The following ARNT2 variants were observed in gnomAD, a reference collection of about 807,000 sequenced individuals.
The protein encoded by ARNT2 is aryl hydrocarbon receptor nuclear translocator 2.
Under a neutral mutation model 91.7 loss-of-function variants are expected in ARNT2, and 36 were observed. The observed-to-expected ratio is 0.39, with a 90% CI of 0.30 to 0.52. The LOEUF is 0.52. Among genes scored for constraint, ARNT2 ranks in the 20% least tolerant of loss-of-function variants. The pLI, the probability that ARNT2 is intolerant of heterozygous loss-of-function variation, is 0.72. For missense variants in ARNT2, 775 were observed against 939.3 expected (o/e 0.83, Z 2.29); for synonymous variants, 365 against 347.1 (o/e 1.05, Z -0.57).
chr15:80,543,604 A>G (rs1455770064), intron 8 of ARNT2, among the ~76,000 whole-genome samples: 5 of 152,152 alleles, frequency 3.3e-5, no homozygotes, highest in Non-Finnish European at 4.4e-5. Context: ...GAAGTTTTCC[A>G]ATGAGATCAC....
chr15:80,589,186 A>G (rs2141487320), intron 17 of ARNT2, among the ~76,000 whole-genome samples: 1 of 152,324 alleles, frequency 6.6e-6, no homozygotes, highest in East Asian at 1.9e-4. Context: ...AATCAAGTTC[A>G]GTCCTAGAAG....
intron 8 of ARNT2, among the ~76,000 whole-genome samples, chr15:80,545,899 A>G (rs1487447923): frequency 2.0e-5 from 3 of 152,178 alleles, no homozygotes; most frequent in African/African-American, 4.8e-5. Context: ...CCCCGGAAGG[A>G]TACAGGGAGG....
intron 1 of ARNT2, among the ~76,000 whole-genome samples, chr15:80,408,378 A>G (rs774016322): frequency 8.5e-5 from 13 of 152,218 alleles, no homozygotes; most frequent in Admixed American, 3.3e-4. Context: ...TCATATCATC[A>G]TGGGGAGCCA....
In ARNT2 at chr15:80,466,260, G is replaced by A. The variant is rs111319423; in HGVS notation, c.195-3958G>A. The stretch of plus-strand genomic sequence containing the variant: ...TTAGGAGGTCCCCATCAGGAACAGA[G>A]TTGGAAAAGAAACACAAGTCAGTGT... On this transcript the variant is annotated intron_variant, in intron 3 of 18. Coordinates refer to ENST00000303329, the MANE Select transcript of ARNT2 (RefSeq NM_014862.4). Among the ~76,000 whole-genome samples the A allele has an allele frequency of 1.5e-4, 23 of 152,364 alleles. 4 individuals carry two copies. Among genetic ancestry groups the A allele is most frequent in the African/African-American group, 1.7e-4 (7 of 41,592 alleles).
intron 8 of ARNT2, among the ~76,000 whole-genome samples, chr15:80,532,579 G>A (rs1897756804): frequency 1.3e-5 from 2 of 152,186 alleles, no homozygotes; most frequent in South Asian, 4.1e-4. Context: ...ATGTGCTTGG[G>A]CCACAGGTCA....
chr15:80,494,905 C>A (rs928537569), intron 5 of ARNT2, among the ~76,000 whole-genome samples: 14 of 152,138 alleles, frequency 9.2e-5, no homozygotes, highest in Non-Finnish European at 1.9e-4. Flanking sequence ...CTTGTGCCAT[C>A]CTGCTGCCTG....
intron 1 of ARNT2, among the ~76,000 whole-genome samples, chr15:80,449,105 G>C (rs1896349607): frequency 6.6e-6 from 1 of 152,198 alleles, no homozygotes; most frequent in Non-Finnish European, 1.5e-5. Flanking sequence ...TGATATACTG[G>C]GATAACCGAA....
At chr15:80,546,227 C>T (rs1036233003) in intron 8 of ARNT2, among the ~76,000 whole-genome samples, 3 of 152,190 alleles carry the variant, frequency 2.0e-5, no homozygotes, top group African/African-American at 7.2e-5. Context: ...CTTCTCTCAG[C>T]TTTCACTCCA....
At chr15:80,427,376 C>G (rs775988948) in intron 1 of ARNT2, among the ~76,000 whole-genome samples, 5 of 152,082 alleles carry the variant, frequency 3.3e-5, no homozygotes, top group Non-Finnish European at 7.4e-5. Flanking sequence ...TTGGACTGTC[C>G]TGCTCTATTT....
intron 11 of ARNT2, among the ~76,000 whole-genome samples, chr15:80,562,541 TATAA>T (rs1004688029): frequency 2.0e-5 from 3 of 152,182 alleles, no homozygotes; most frequent in Admixed American, 1.3e-4. Flanking sequence ...CATAGAAACT[TATAA>T]ATAAATAAAT....
intron 12 of ARNT2, among the ~76,000 whole-genome samples, chr15:80,567,556 C>T (rs994612166): frequency 3.9e-5 from 6 of 152,184 alleles, no homozygotes; most frequent in Non-Finnish European, 8.8e-5. Context: ...CAGGAGGTAG[C>T]ACTGCAGTGG....
intron 12 of ARNT2, 152 bp from the exon 13 acceptor site, chr15:80,573,996 C>T (rs921410704): frequency 9.6e-6 from 6 of 623,302 alleles, no homozygotes; most frequent in Non-Finnish European, 1.7e-5. Context: ...TGATTTAGGG[C>T]ATTAAAAATA....
chr15:80,579,417 T>G (rs1898750923), intron 15 of ARNT2, among the ~76,000 whole-genome samples: 1 of 152,230 alleles, frequency 6.6e-6, no homozygotes, highest in African/African-American at 2.4e-5. Context: ...GGTTTCTCCC[T>G]ATTTTAAAAG....
chr15:80,493,417 A>G (rs2141413248), intron 5 of ARNT2, among the ~76,000 whole-genome samples: 1 of 152,310 alleles, frequency 6.6e-6, no homozygotes, highest in South Asian at 2.1e-4. Context: ...TGGGAGCTGC[A>G]GCCGAGGCAG....
intron 18 of ARNT2, among the ~76,000 whole-genome samples, chr15:80,593,145 T>A (rs889852441): frequency 3.9e-5 from 6 of 152,208 alleles, no homozygotes; most frequent in Admixed American, 1.3e-4. Flanking sequence ...AATCTAACCA[T>A]TCAGGGATTC....
chr15:80,492,268 G>A (rs1366082941), intron 5 of ARNT2, among the ~76,000 whole-genome samples: 1 of 152,098 alleles, frequency 6.6e-6, no homozygotes, highest in East Asian at 1.9e-4. Flanking sequence ...AAACTCCTAG[G>A]CTCAAGCCAT....
intron 12 of ARNT2, among the ~76,000 whole-genome samples, chr15:80,568,923 A>AAC (rs561531585): frequency 6.6e-6 from 1 of 151,958 alleles, no homozygotes; most frequent in African/African-American, 2.4e-5. Context: ...AGTGAGCTCT[A>AAC]ACACACACAC....
Position 80,560,095 on chromosome 15 carries a change from C to T in ARNT2, c.1165-2993C>T, listed in dbSNP as rs558885802. 5.2e-5 allele frequency: 8 copies of T among 152,466 alleles called. No individual in the cohort carries two copies. The South Asian group carries it at 6.2e-4, about 12-fold the overall frequency. 9.4% of individuals were successfully genotyped at this position (152,466 alleles called of 1,614,324 possible). Reference sequence around the variant, plus strand: ...CCAAACCCCATTTCCCTCCAGGAGCCGTCTTCAGATCCTGACTGCAGGTCA... The same window carrying T: ...CCAAACCCCATTTCCCTCCAGGAGCTGTCTTCAGATCCTGACTGCAGGTCA... On this transcript the variant is annotated intron_variant, in intron 11 of 18. Coordinates refer to ENST00000303329, the MANE Select transcript of ARNT2 (RefSeq NM_014862.4).
intron 11 of ARNT2, among the ~76,000 whole-genome samples, chr15:80,560,617 G>T (rs746906240): frequency 6.6e-6 from 1 of 152,170 alleles, no homozygotes; most frequent in Non-Finnish European, 1.5e-5. Flanking sequence ...CAAAAAAGAA[G>T]GACCGCCCTT....
Sources: allele counts gnomAD v4.1 joint callset (sites outside exome capture counted in the v4.1 genomes callset), GRCh38; gene constraint gnomAD v4.1.1; transcripts MANE v1.5; gene names NCBI Gene and HGNC (gene_info 2026-07-23, HGNC 2026-07-21).